GGNBP2: variants seen among roughly 807,000 people sequenced by gnomAD.
GGNBP2 encodes gametogenetin binding protein 2.
A neutral mutation model predicts 85.9 loss-of-function variants in GGNBP2; 10 were observed. The observed-to-expected ratio is 0.12, with a 90% CI of 0.07 to 0.20. GGNBP2 has a LOEUF of 0.20. GGNBP2 is among the 10% of genes least tolerant of loss of function. GGNBP2 has a pLI of 1.00. For synonymous variants in GGNBP2, 287 were observed against 285.7 expected, an observed-to-expected ratio of 1.00 and a Z score of -0.05; for missense variants, 595 against 857.8, an observed-to-expected ratio of 0.69 and a Z score of 3.83.
At position 36,586,054 on chromosome 17, in the gene GGNBP2, T is replaced by C. The variant is rs752471659; in HGVS notation, c.1497T>C (p.Asp499=). The C allele has an allele frequency of 1.2e-6, 2 of 1,614,006 alleles. No individual in the cohort carries two copies. The highest frequency in any genetic ancestry group is 1.7e-6 in the Non-Finnish European group (2 of 1,179,900). The change falls in exon 12 of 14, where the codon GAT becomes GAC. Residue 499 remains aspartate (D), a synonymous_variant. Coordinates refer to ENST00000613102, the MANE Select transcript of GGNBP2 (RefSeq NM_024835.5). ...AAGGATTATTGATTTCTGCAGGTGA[T>C]GACTCTTGTGTTCATCACTGTGAAG... ...EGICNHDEHG[D]DSCVHHCEDK... is the part of the protein sequence containing the mutation.
At chr17:36,581,596 C>T (rs1231003792) in intron 9 of GGNBP2, 58 bp downstream of exon 9, 2 of 1,335,208 alleles carry the variant, frequency 1.5e-6, no homozygotes, top group African/African-American at 1.5e-5. Context: ...GATAGAAGTA[C>T]AGGCCAGGTG....
At chr17:36,554,732 T>A (rs1363501916) in intron 2 of GGNBP2, 88 bp from the exon 3 acceptor site, 1 of 905,348 alleles carries the variant, frequency 1.1e-6, no homozygotes, top group African/African-American at 1.6e-5. Context: ...CAAATCTGGC[T>A]TTCACGGGTC....
At chr17:36,561,650 A>C (rs1599514657) in intron 5 of GGNBP2, among the ~76,000 whole-genome samples, 1 of 151,370 alleles carries the variant, frequency 6.6e-6, no homozygotes, top group African/African-American at 2.4e-5. Flanking sequence ...TTTGAGATGG[A>C]GTCTCCTCTG....
rs372891423 is a variant in GGNBP2 at position 36,585,955 on chromosome 17, T to C, written c.1482T>C (p.His494=). The part of the protein sequence containing the change: ...DVACTEGICN[H]DEHGDDSCVH... ...CCTGCACTGAAGGCATTTGTAATCA[T>C]GATGAACACGGTAGGCTCACATTAA... The change falls in exon 11 of 14, where the codon CAT becomes CAC. Residue 494 remains histidine (H), a synonymous_variant. Transcript: ENST00000613102. 3.2e-4 allele frequency: 513 copies of C among 1,614,192 alleles called. 9 individuals carry two copies. In the South Asian group the frequency reaches 4.4e-3, roughly 14 times the overall value.
chr17:36,573,163 G>A (rs34327767), intron 6 of GGNBP2, among the ~76,000 whole-genome samples: 57,976 of 151,670 alleles, frequency 0.38, 11,497 homozygotes, highest in Middle Eastern at 0.47. Context: ...CCCAGGCAGG[G>A]GTGCAGTGGC....
chr17:36,572,834 CT>C lies in GGNBP2; in HGVS notation c.641+5064del, dbSNP rs201335650. Among the ~76,000 whole-genome samples the C allele has an allele frequency of 7.5e-3, 1,145 of 152,182 alleles. 12 individuals are homozygous for C. Among genetic ancestry groups the C allele is most frequent in the African/African-American group, 0.026 (1,086 of 41,518 alleles). Reference sequence around the variant, plus strand: ...TGAAACTATACGCATTGAACAACACCTTTTTTCTCCCCTCACCCCCTAGCAA... The same window carrying C: ...TGAAACTATACGCATTGAACAACACCTTTTTCTCCCCTCACCCCCTAGCAA... On this transcript the variant is annotated intron_variant, in intron 6 of 13. Transcript: ENST00000613102.
intron 5 of GGNBP2, among the ~76,000 whole-genome samples, chr17:36,561,238 C>A (rs2074413885): frequency 6.6e-6 from 1 of 152,092 alleles, no homozygotes. Context: ...ATTCTCCTGC[C>A]TCAGCTTCCT....
At chr17:36,561,699 C>CTG (rs889310640) in intron 5 of GGNBP2, among the ~76,000 whole-genome samples, 7 of 151,886 alleles carry the variant, frequency 4.6e-5, no homozygotes, top group Admixed American at 1.3e-4. Flanking sequence ...TCTCGGCTCA[C>CTG]TGCAACCTCT....
At position 36,589,517 on chromosome 17, in the gene GGNBP2, A is replaced by C; in HGVS notation, c.*106A>C. On this transcript the variant is annotated 3_prime_UTR_variant, in exon 14 of 14. Coordinates refer to ENST00000613102, the MANE Select transcript of GGNBP2 (RefSeq NM_024835.5). The stretch of plus-strand genomic sequence containing the variant: ...TGACTTATGGCAAAATTTTATCTTA[A>C]ATCAATGTGATTCTTTCTTGTTTTG... The C allele has an allele frequency of 1.3e-6, 1 of 760,396 alleles. No individual in the cohort carries two copies. The highest frequency in any genetic ancestry group is 2.6e-5 in the East Asian group (1 of 39,150). The allele number at this position is 760,396 out of a possible 1,614,324, so 47.1% of individuals were successfully genotyped here.
chr17:36,567,869 C>A, intron 6 of GGNBP2, 93 bp downstream of exon 6: 1 of 615,504 alleles, frequency 1.6e-6, no homozygotes, highest in Non-Finnish European at 2.9e-6. Flanking sequence ...TGTATAATAG[C>A]ATTCTAGCCT....
At chr17:36,585,066 G>A (rs939146427) in intron 9 of GGNBP2, among the ~76,000 whole-genome samples, 6 of 151,980 alleles carry the variant, frequency 3.9e-5, no homozygotes, top group African/African-American at 9.7e-5. Flanking sequence ...TTGTGAGAGC[G>A]CTTGACAGTT....
intron 6 of GGNBP2, 92 bp downstream of exon 6, chr17:36,567,868 G>GC (rs1317862464): frequency 6.3e-6 from 4 of 632,068 alleles, no homozygotes; most frequent in African/African-American, 5.6e-5. Flanking sequence ...TTGTATAATA[G>GC]CATTCTAGCC....
At chr17:36,560,937 A>C in intron 5 of GGNBP2, 66 bp downstream of exon 5, 1 of 851,070 alleles carries the variant, frequency 1.2e-6, no homozygotes, top group Non-Finnish European at 1.9e-6. Context: ...CATATTTAGT[A>C]AAAGAAATAA....
At chr17:36,549,458 G>A (rs899298097) in intron 2 of GGNBP2, among the ~76,000 whole-genome samples, 2 of 152,086 alleles carry the variant, frequency 1.3e-5, no homozygotes, top group African/African-American at 2.4e-5. Flanking sequence ...TGTCCGCCTC[G>A]GCCTCCCAAA....
chr17:36,556,996 C>G lies in GGNBP2; in HGVS notation c.175-87C>G, dbSNP rs533138787. The G allele has an allele frequency of 7.3e-5, 111 of 1,512,612 alleles. No individual in the cohort carries two copies. In the African/African-American group the frequency reaches 1.0e-3, roughly 14 times the overall value. 93.7% of individuals were successfully genotyped at this position (1,512,612 alleles called of 1,614,324 possible). Reference sequence around the variant, plus strand: ...TAAACCCTGGCCAGGTTGTACTTTACTGCACAAGGATAGGAACCAGTAGTA... The same window carrying G: ...TAAACCCTGGCCAGGTTGTACTTTAGTGCACAAGGATAGGAACCAGTAGTA... On this transcript the variant is annotated intron_variant, in intron 3 of 13. Transcript: ENST00000613102.
intron 4 of GGNBP2, among the ~76,000 whole-genome samples, chr17:36,559,431 G>C (rs1358914823): frequency 1.3e-5 from 2 of 151,382 alleles, no homozygotes; most frequent in Non-Finnish European, 2.9e-5. Context: ...CATCCAAATA[G>C]AATTCAGAGA....
At chr17:36,586,827 C>G (rs1356162477) in intron 12 of GGNBP2, 170 bp from the exon 13 acceptor site, 1 of 601,934 alleles carries the variant, frequency 1.7e-6, no homozygotes, top group East Asian at 2.9e-5. Flanking sequence ...CCATGTTGGC[C>G]AGGCTGGTCT....
rs957452734 is a variant in GGNBP2 at position 36,589,837 on chromosome 17, C to T, written c.*426C>T. 1.3e-4 allele frequency: 22 copies of T among 170,004 alleles called. No homozygotes were observed. Among genetic ancestry groups the T allele is most frequent in the South Asian group, 3.0e-4 (2 of 6,590 alleles). 10.5% of individuals were successfully genotyped at this position (170,004 alleles called of 1,614,324 possible). Reference sequence around the variant, plus strand: ...TTAAAATAAAGAATATTTATTAATACGCACAGTAAAATTTGCTGTACATGT... The same window carrying T: ...TTAAAATAAAGAATATTTATTAATATGCACAGTAAAATTTGCTGTACATGT... On this transcript the variant is annotated 3_prime_UTR_variant, in exon 14 of 14. Transcript: ENST00000613102.
chr17:36,562,200 C>T (rs1177030083), intron 5 of GGNBP2, among the ~76,000 whole-genome samples: 1 of 152,248 alleles, frequency 6.6e-6, no homozygotes, highest in East Asian at 1.9e-4. Flanking sequence ...CACAGTCTTG[C>T]TCTGTCACTC....
Sources: allele counts gnomAD v4.1 joint callset (sites outside exome capture counted in the v4.1 genomes callset), GRCh38; gene constraint gnomAD v4.1.1; transcripts MANE v1.5; gene names NCBI Gene and HGNC (gene_info 2026-07-23, HGNC 2026-07-21).